The following ZFC3H1 variants were observed in gnomAD, a reference collection of about 807,000 sequenced individuals.
The protein encoded by ZFC3H1 is zinc finger C3H1-type containing, also known as zinc finger C3H1 domain-containing protein.
Under a neutral mutation model 243.7 loss-of-function variants are expected in ZFC3H1, and 71 were observed. The ratio of observed to expected loss-of-function variants is 0.29; its 90% confidence interval spans 0.24 to 0.36. The LOEUF is 0.36. Ranked by LOEUF, ZFC3H1 falls within the 10% of genes least tolerant of loss-of-function variation. The probability of loss-of-function intolerance (pLI) is 1.00; values close to 1 mark genes in which losing one functional copy is unlikely to be tolerated. For synonymous variants in ZFC3H1, 838 were observed against 813.0 expected (o/e 1.03, Z -0.52); for missense variants, 1,966 against 2,317.1 (o/e 0.85, Z 3.11).
In ZFC3H1 at chr12:71,618,396, G is replaced by A. The variant is rs184162757; in HGVS notation, c.5144+919C>T. ...CTGTATTTTCTACAAGAAATTTTTTGGGGAGATATTCAGCTTAGGTCTTTC... is the reference window on the plus strand; with the variant it reads ...CTGTATTTTCTACAAGAAATTTTTTAGGGAGATATTCAGCTTAGGTCTTTC... On this transcript the variant is annotated intron_variant, in intron 27 of 34. Coordinates refer to ENST00000378743, the MANE Select transcript of ZFC3H1 (RefSeq NM_144982.5). Among the ~76,000 whole-genome samples the A allele has an allele frequency of 6.6e-5, 10 of 151,732 alleles. 1 individual carries two copies. The highest frequency in any genetic ancestry group is 6.6e-5 in the Admixed American group (1 of 15,258).
chr12:71,634,358 T>A, intron 11 of ZFC3H1, 54 bp from the exon 12 acceptor site: 3 of 1,552,452 alleles, frequency 1.9e-6, no homozygotes, highest in Middle Eastern at 3.4e-4. Context: ...ACTTAAACTA[T>A]TTTTAAAATG....
intron 23 of ZFC3H1, among the ~76,000 whole-genome samples, 192 bp from the exon 24 acceptor site, chr12:71,623,789 CA>C (rs1880090812): frequency 6.6e-6 from 1 of 152,254 alleles, no homozygotes; most frequent in Admixed American, 6.5e-5. Flanking sequence ...TTTTAAACCA[CA>C]CCCATATAGA....
At position 71,635,540 on chromosome 12, in the gene ZFC3H1, G is replaced by A; in HGVS notation, c.2141C>T (p.Ser714Leu). ...CTCTCCATCAGATTCACTATCATCT[G>A]AATCATTTAGTGTTACAACCACTGA... ...HKSVVVTLND[S>L]DDSESDGEAS... The change falls in exon 10 of 35, where the codon TCA (serine) becomes TTA (leucine). Residue 714 changes from serine (S) to leucine (L), a missense_variant. By Grantham distance (145) the Ser-to-Leu change is moderately radical. This residue lies in a region of ZFC3H1 where 1,383 missense variants were observed against 1,723.7 expected (regional missense o/e 0.80). Transcript: ENST00000378743. 1 of 1,562,344 alleles carries A rather than the reference G, an allele frequency of 6.4e-7. No individual in the cohort carries two copies. The highest frequency in any genetic ancestry group is 8.6e-7 in the Non-Finnish European group (1 of 1,163,188).
At chr12:71,612,310 C>G (rs1473962922) in intron 31 of ZFC3H1, among the ~76,000 whole-genome samples, 6 of 151,754 alleles carry the variant, frequency 4.0e-5, no homozygotes, top group Admixed American at 6.6e-5. Context: ...TCTTTATTCT[C>G]CTGGAAAAAA....
intron 14 of ZFC3H1, 84 bp downstream of exon 14, chr12:71,632,802 T>C: frequency 6.5e-7 from 1 of 1,528,932 alleles, no homozygotes; most frequent in Non-Finnish European, 8.8e-7. Flanking sequence ...AGCAAAGAGT[T>C]ACTTTATATA....
intron 24 of ZFC3H1, among the ~76,000 whole-genome samples, chr12:71,622,385 C>A (rs1477638789): frequency 6.6e-6 from 1 of 152,188 alleles, no homozygotes; most frequent in Non-Finnish European, 1.5e-5. Flanking sequence ...CTTGATCATG[C>A]CAATCTATAA....
intron 25 of ZFC3H1, 40 bp downstream of exon 25, chr12:71,620,169 CT>C (rs778538990): frequency 6.2e-7 from 1 of 1,612,516 alleles, no homozygotes; most frequent in South Asian, 1.1e-5. Flanking sequence ...GAAAAGATCA[CT>C]TTTTAATATA....
intron 24 of ZFC3H1, among the ~76,000 whole-genome samples, chr12:71,620,532 T>C (rs920645744): frequency 1.3e-4 from 20 of 152,180 alleles, no homozygotes; most frequent in Non-Finnish European, 2.8e-4. Context: ...TACCCTCAAC[T>C]TTCCTGGTAA....
At chr12:71,641,698 T>C (rs1880606093) in intron 6 of ZFC3H1, among the ~76,000 whole-genome samples, 1 of 152,210 alleles carries the variant, frequency 6.6e-6, no homozygotes, top group Non-Finnish European at 1.5e-5. Context: ...TCACTTTCTG[T>C]CTCAAAATTT....
At chr12:71,644,435 A>G (rs1592598234) in intron 4 of ZFC3H1, 117 bp from the exon 5 acceptor site, 5 of 1,136,458 alleles carry the variant, frequency 4.4e-6, no homozygotes, top group East Asian at 2.6e-5. Context: ...AGTTGTTTAT[A>G]TAAGATTGTC....
intron 2 of ZFC3H1, among the ~76,000 whole-genome samples, chr12:71,653,766 A>G (rs1233230934): frequency 6.6e-6 from 1 of 152,262 alleles, no homozygotes; most frequent in Non-Finnish European, 1.5e-5. Context: ...CTGTAATCCC[A>G]GCACTTTGGG....
At chr12:71,628,574 C>T (rs1880230473) in intron 20 of ZFC3H1, among the ~76,000 whole-genome samples, 1 of 152,188 alleles carries the variant, frequency 6.6e-6, no homozygotes, top group Non-Finnish European at 1.5e-5. Flanking sequence ...AATAGAACAC[C>T]TGCCCTTAAG....
intron 12 of ZFC3H1, 131 bp from the exon 13 acceptor site, chr12:71,633,569 GATGA>G (rs1400683117): frequency 2.0e-5 from 13 of 652,382 alleles, no homozygotes; most frequent in Admixed American, 1.0e-4. Flanking sequence ...AATGTAAAGG[GATGA>G]ATATTTTTAT....
chr12:71,640,465 G>C (rs1264564042), intron 6 of ZFC3H1, among the ~76,000 whole-genome samples: 1 of 152,272 alleles, frequency 6.6e-6, no homozygotes, highest in Middle Eastern at 3.2e-3. Flanking sequence ...CCCTGTGCCA[G>C]AAGGCTGGTT....
chr12:71,615,019 C>A (rs1037258267), intron 28 of ZFC3H1, 81 bp from the exon 29 acceptor site: 31 of 1,286,196 alleles, frequency 2.4e-5, no homozygotes, highest in Non-Finnish European at 3.4e-5. Flanking sequence ...TTAAACATTA[C>A]AGATGTTATT....
chr12:71,634,512 T>C (rs773693687), intron 11 of ZFC3H1, among the ~76,000 whole-genome samples, 192 bp downstream of exon 11: 17 of 152,216 alleles, frequency 1.1e-4, no homozygotes, highest in Admixed American at 5.2e-4. Context: ...AAGCTGGTTA[T>C]GTCCTAGCAC....
chr12:71,663,312 C>A lies in ZFC3H1; in HGVS notation c.299G>T (p.Gly100Val). The A allele has an allele frequency of 1.5e-5, 24 of 1,613,330 alleles. No homozygotes were observed. Among genetic ancestry groups the A allele is most frequent in the Non-Finnish European group, 2.0e-5 (24 of 1,180,030 alleles). ...RHASERGHLR[G>V]PSSYRPKEPF... ...TTCTTTGGGTCGGTAGCTGCTGGGT[C>A]CCCTGAGGTGGCCCCGCTCAGACGC... Residue 100 changes from glycine to valine, a missense_variant, in exon 1 of 35, where the codon GGA becomes GTA. This residue lies in a region of ZFC3H1 where 484 missense variants were observed against 449.7 expected (regional missense o/e 1.08). Coordinates refer to ENST00000378743, the MANE Select transcript of ZFC3H1 (RefSeq NM_144982.5).
rs1477686029 is a variant in ZFC3H1, at chr12:71,631,759, T to C, written c.3470+19A>G. ...ACAGAAATCCTGAAATTCAAGCTTA[T>C]TGAATCTTTCTTTTATACCTGTAGG... On this transcript the variant is annotated intron_variant, in intron 16 of 34. Coordinates refer to ENST00000378743, the MANE Select transcript of ZFC3H1 (RefSeq NM_144982.5). 12 of 1,552,392 alleles carry C rather than the reference T, an allele frequency of 7.7e-6. No homozygotes were observed. The highest frequency in any genetic ancestry group is 2.4e-5 in the South Asian group (2 of 83,368).
chr12:71,636,637 A>T lies in ZFC3H1; in HGVS notation c.1953T>A (p.Ser651Arg). 6.2e-7 allele frequency: 1 copy of T among 1,609,476 alleles called. No individual in the cohort carries two copies. ...TCAGAACTGGAGGTGAAGGTGGGTC[A>T]CTATTACTGGATGTTTCCTACATAA... is the stretch of plus-strand genomic sequence containing the variant. ...AFKPEETSSN[S>R]DPPSPPVLNN... Residue 651 changes from serine (S) to arginine (R), a missense_variant, in exon 9 of 35, where the codon AGT (serine) becomes AGA (arginine). Ser to Arg is a moderately radical substitution (Grantham distance 110). This residue lies in a region of ZFC3H1 where 1,383 missense variants were observed against 1,723.7 expected (regional missense o/e 0.80). Coordinates refer to ENST00000378743, the MANE Select transcript of ZFC3H1 (RefSeq NM_144982.5).
Sources: gnomAD v4.1 joint callset for allele counts (sites outside exome capture counted in the v4.1 genomes callset) on GRCh38, gnomAD v4.1.1 for gene constraint, gnomAD v4.1.1 regional missense constraint, MANE v1.5 for transcripts, NCBI Gene and HGNC (gene_info 2026-07-23, HGNC 2026-07-21) for gene names.